CFAP53: variants seen among roughly 807,000 people sequenced by gnomAD.
CFAP53 encodes the protein cilia and flagella associated protein 53.
A neutral mutation model predicts 59.7 loss-of-function variants in CFAP53; 62 were observed. The observed-to-expected ratio is 1.04, with a 90% confidence interval of 0.85 to 1.28. The LOEUF is 1.28. Ranked by LOEUF, CFAP53 falls within the 50% of genes most tolerant of loss-of-function variation. The pLI is 0.00. For missense variants in CFAP53, 629 were observed against 615.6 expected (o/e 1.02, Z -0.23); for synonymous variants, 218 against 205.7 (o/e 1.06, Z -0.51).
At chr18:50,262,272 A>C (rs750551032) in intron 1 of CFAP53, 53 bp from the exon 2 acceptor site, 65 of 1,452,216 alleles carry the variant, frequency 4.5e-5, no homozygotes, top group Non-Finnish European at 6.2e-5. Flanking sequence ...TCAACTGCAT[A>C]TTTTCAATTA....
chr18:50,243,078 A>G lies in CFAP53; in HGVS notation c.1035T>C (p.Tyr345=). 6.2e-7 allele frequency: 1 copy of G among 1,613,218 alleles called. No homozygotes were observed. The highest frequency in any genetic ancestry group is 8.5e-7 in the Non-Finnish European group (1 of 1,179,556). ...TTTCTTCCTCACGTCTCTGTGCCAA[A>G]TATTTATGGTATATCTTCTGTTCTC... ...MIREQKIYHK[Y]LAQRREEEKA... Residue 345 remains tyrosine (Y), a synonymous_variant, in exon 6 of 8, where the codon TAT becomes TAC. Coordinates refer to ENST00000398545, the MANE Select transcript of CFAP53 (RefSeq NM_145020.5).
At chr18:50,234,894 G>GCTTGAGTGCTTGA (rs2033616686) in intron 7 of CFAP53, among the ~76,000 whole-genome samples, 1 of 152,220 alleles carries the variant, frequency 6.6e-6, no homozygotes, top group African/African-American at 2.4e-5. Flanking sequence ...TTGGTTTGCA[G>GCTTGAGTGCTTGA]GTATACCCAT....
chr18:50,234,924 A>C (rs888094508), intron 7 of CFAP53, among the ~76,000 whole-genome samples: 8 of 152,220 alleles, frequency 5.3e-5, no homozygotes, highest in African/African-American at 1.9e-4. Flanking sequence ...CAGCATTTGT[A>C]ATATCACCAT....
intron 1 of CFAP53, among the ~76,000 whole-genome samples, chr18:50,265,888 C>T (rs1237699949): frequency 3.9e-5 from 6 of 152,222 alleles, no homozygotes; most frequent in Admixed American, 3.9e-4. Flanking sequence ...CAACCTAATT[C>T]CCCTTCCTCA....
chr18:50,251,425 A>G, intron 4 of CFAP53, 56 bp downstream of exon 4: 1 of 1,480,462 alleles, frequency 6.8e-7, no homozygotes, highest in Non-Finnish European at 9.2e-7. Flanking sequence ...CAGGCCTGCA[A>G]ACTGTACTAC....
chr18:50,250,669 G>T, intron 5 of CFAP53, 89 bp downstream of exon 5: 1 of 988,356 alleles, frequency 1.0e-6, no homozygotes, highest in Non-Finnish European at 1.6e-6. Context: ...GAGTAGCACT[G>T]CTATATATTT....
intron 7 of CFAP53, among the ~76,000 whole-genome samples, chr18:50,232,970 C>T (rs1285845854): frequency 6.6e-6 from 1 of 152,222 alleles, no homozygotes; most frequent in Middle Eastern, 3.2e-3. Flanking sequence ...TTGTCATTCT[C>T]TTTAAAACTC....
At chr18:50,236,669 T>G (rs949973120) in intron 7 of CFAP53, among the ~76,000 whole-genome samples, 1 of 152,102 alleles carries the variant, frequency 6.6e-6, no homozygotes, top group African/African-American at 2.4e-5. Flanking sequence ...ATAACTGAGA[T>G]CCCTGACTAC....
At position 50,227,247 on chromosome 18, in the gene CFAP53, G is replaced by T; in HGVS notation, c.*134C>A. The T allele has an allele frequency of 2.9e-6, 2 of 693,902 alleles. No individual in the cohort carries two copies. The highest frequency in any genetic ancestry group is 4.8e-6 in the Non-Finnish European group (2 of 420,448). The allele number at this position is 693,902 out of a possible 1,614,324, so 43.0% of individuals were successfully genotyped here. A position where few individuals can be genotyped will look rare whatever the true frequency, so the allele number is the denominator to read the frequency against. On this transcript the variant is annotated 3_prime_UTR_variant, in exon 8 of 8. Transcript: ENST00000398545. Reference sequence around the variant, plus strand: ...ATAGGCACAGGTTTATTCAAAGGAAGAAAATTATGTTCAATTAATTACACA... The same window carrying T: ...ATAGGCACAGGTTTATTCAAAGGAATAAAATTATGTTCAATTAATTACACA...
At position 50,260,272 on chromosome 18, in the gene CFAP53, G is replaced by C. The variant is rs559368725; in HGVS notation, c.473+792C>G. Among the ~76,000 whole-genome samples, 4 of 152,266 alleles carry C rather than the reference G, an allele frequency of 2.6e-5. No individual in the cohort carries two copies. The South Asian group carries it at 8.3e-4, about 32-fold the overall frequency. On this transcript the variant is annotated intron_variant, in intron 3 of 7. Transcript: ENST00000398545. The stretch of plus-strand genomic sequence containing the variant: ...TAAAGACCAGGGGTCTGAAAACCGA[G>C]GGTCACCATGGGTCTGGGTCAGGAA...
rs756445446 is a variant in CFAP53, at chr18:50,245,993, G to A, written c.997-2877C>T. On this transcript the variant is annotated intron_variant, in intron 5 of 7. Coordinates refer to ENST00000398545, the MANE Select transcript of CFAP53 (RefSeq NM_145020.5). ...GCAACGTCCGCCTCCCGGATCAAGC[G>A]ATTCTCCTGCCTCAGCCTCCCAAGT... is the stretch of plus-strand genomic sequence containing the variant. Among the ~76,000 whole-genome samples, 9 of 152,264 alleles carry A rather than the reference G, an allele frequency of 5.9e-5. No individual in the cohort carries two copies. In the South Asian group the frequency reaches 1.2e-3, roughly 21 times the overall value.
At position 50,251,597 on chromosome 18, in the gene CFAP53, T is replaced by C. The variant is rs944526993; in HGVS notation, c.661A>G (p.Arg221Gly). The C allele has an allele frequency of 1.2e-6, 2 of 1,614,248 alleles. No individual in the cohort carries two copies. The highest frequency in any genetic ancestry group is 2.7e-5 in the African/African-American group (2 of 75,056). ...TTCTCCATCAGCTCTTTCTGTCTCCTCGCCTCTTGGGCTTCTCGCTTTTCC... is the reference window on the plus strand; with the variant it reads ...TTCTCCATCAGCTCTTTCTGTCTCCCCGCCTCTTGGGCTTCTCGCTTTTCC... The part of the protein sequence containing the change: ...AKEKREAQEA[R>G]RQKELMENTR... Residue 221 changes from arginine to glycine, a missense_variant, in exon 4 of 8, where the codon AGG becomes GGG. Transcript: ENST00000398545.
intron 7 of CFAP53, among the ~76,000 whole-genome samples, chr18:50,228,387 C>T (rs1342248404): frequency 6.6e-6 from 1 of 152,082 alleles, no homozygotes; most frequent in African/African-American, 2.4e-5. Flanking sequence ...GGTAAGTTAG[C>T]CTTATCTTAT....
Position 50,255,638 on chromosome 18 carries a change from C to T in CFAP53, c.474-3854G>A, listed in dbSNP as rs1220130076. Among the ~76,000 whole-genome samples, 3 of 151,314 alleles carry T rather than the reference C, an allele frequency of 2.0e-5. No homozygotes were observed. In the East Asian group the frequency reaches 5.8e-4, roughly 29 times the overall value. On this transcript the variant is annotated intron_variant, in intron 3 of 7. Transcript: ENST00000398545. ...TATCCATTTCATTTCATTATTATTG[C>T]TGAAAATAATTTTGCTGTATAGAAG...
intron 7 of CFAP53, among the ~76,000 whole-genome samples, chr18:50,236,746 C>T (rs887539134): frequency 6.6e-6 from 1 of 152,160 alleles, no homozygotes; most frequent in Non-Finnish European, 1.5e-5. Context: ...AATATATAGC[C>T]TCAGTCATGT....
chr18:50,243,717 C>T (rs781767138), intron 5 of CFAP53, among the ~76,000 whole-genome samples: 35 of 151,990 alleles, frequency 2.3e-4, no homozygotes, highest in African/African-American at 6.3e-4. Flanking sequence ...TTTGGGAGGC[C>T]GAGGCGGGTG....
chr18:50,251,794 A>T lies in CFAP53; in HGVS notation c.474-10T>A, dbSNP rs769393676. 1 of 1,609,890 alleles carries T rather than the reference A, an allele frequency of 6.2e-7. No individual in the cohort carries two copies. The highest frequency in any genetic ancestry group is 1.1e-5 in the South Asian group (1 of 90,846). ...CTCCTCACAGCGTTCCCTGAAAGGA[A>T]AATTTTAAAAAGACAAAACCCAGCC... is the stretch of plus-strand genomic sequence containing the variant. On this transcript the variant is annotated splice_polypyrimidine_tract_variant and intron_variant, in intron 3 of 7. Coordinates refer to ENST00000398545, the MANE Select transcript of CFAP53 (RefSeq NM_145020.5).
rs776436223 is a variant in CFAP53, at chr18:50,243,117, C to T, written c.997-1G>A. The T allele has an allele frequency of 1.2e-5, 19 of 1,602,600 alleles. No individual in the cohort carries two copies. Among genetic ancestry groups the T allele is most frequent in the Non-Finnish European group, 1.5e-5 (17 of 1,172,246 alleles). ...TCTTCTGTTCTCTTATCATATCTTC[C>T]TATGTAACATAAAAATTCATATTGT... On this transcript the variant is annotated splice_acceptor_variant, in intron 5 of 7. Transcript: ENST00000398545. LOFTEE classifies it high-confidence loss of function.
At chr18:50,243,703 G>C (rs1448199949) in intron 5 of CFAP53, among the ~76,000 whole-genome samples, 1 of 152,156 alleles carries the variant, frequency 6.6e-6, no homozygotes, top group Non-Finnish European at 1.5e-5. Context: ...TGTAATCCCA[G>C]CACTTTGGGA....
Sources: allele counts gnomAD v4.1 joint callset (sites outside exome capture counted in the v4.1 genomes callset), GRCh38; gene constraint gnomAD v4.1.1; transcripts MANE v1.5; gene names NCBI Gene and HGNC (gene_info 2026-07-23, HGNC 2026-07-21).